Variants in ZNF37A observed in about 807,000 individuals in gnomAD.
The protein encoded by ZNF37A is zinc finger protein 37A.
A neutral mutation model predicts 12.3 loss-of-function variants in ZNF37A; 10 were observed. That is an observed-to-expected ratio of 0.82 (90% CI 0.50 to 1.38). The LOEUF (loss-of-function observed/expected upper bound fraction) is 1.38, where lower values mean the gene tolerates loss of function less well. ZNF37A is among the 40% of genes most tolerant of loss of function. The pLI is 0.00. For missense variants in ZNF37A, 580 were observed against 651.2 expected, an observed-to-expected ratio of 0.89 and a Z score of 1.19; for synonymous variants, 207 against 223.0, an observed-to-expected ratio of 0.93 and a Z score of 0.64.
exon 8 of ZNF37A, chr10:38,149,243 T>A (rs1417187418): frequency 6.6e-6 from 1 of 152,234 alleles, no homozygotes; most frequent in East Asian, 1.9e-4. Context: ...AATAATTATT[T>A]TTGAAAATAT....
rs191349643 is a variant in ZNF37A at position 38,134,055 on chromosome 10, C to T, written c.239-12677C>T. On this transcript the variant is annotated intron_variant, in intron 7 of 7. Coordinates refer to the ZNF37A transcript ENST00000638053. Reference sequence around the variant, plus strand: ...TCATTTGATCTTCAATCACTGATACCCTTTCTTCCACTTGATCGAATTGGC... The same window carrying T: ...TCATTTGATCTTCAATCACTGATACTCTTTCTTCCACTTGATCGAATTGGC... 3.3e-5 allele frequency among the ~76,000 whole-genome samples: 5 copies of T among 152,218 alleles called. No homozygotes were observed. The South Asian group carries it at 6.2e-4, about 19-fold the overall frequency.
At chr10:38,143,452 G>A (rs982966822) in intron 7 of ZNF37A, 3 of 152,208 alleles carry the variant, frequency 2.0e-5, no homozygotes, top group African/African-American at 7.2e-5. Flanking sequence ...GGTTGATTTT[G>A]AAGAGTAAGG....
chr10:38,149,138 ATATTTGCTTCAAT>A (rs2070294208), exon 8 of ZNF37A: 1 of 152,142 alleles, frequency 6.6e-6, no homozygotes, highest in Non-Finnish European at 1.5e-5. Context: ...ACACCAAGCC[ATATTTGCTTCAAT>A]ATTCTAACAC....
chr10:38,133,673 C>T (rs1167629811), intron 7 of ZNF37A, among the ~76,000 whole-genome samples: 1 of 152,158 alleles, frequency 6.6e-6, no homozygotes, highest in Admixed American at 6.6e-5. Flanking sequence ...GCATATACTC[C>T]ATGGTGTATA....
At chr10:38,134,698 G>A (rs1337388944) in intron 7 of ZNF37A, among the ~76,000 whole-genome samples, 3 of 152,190 alleles carry the variant, frequency 2.0e-5, no homozygotes, top group Non-Finnish European at 4.4e-5. Context: ...GTGTCAGTCG[G>A]CCCCTACTGG....
Position 38,118,264 on chromosome 10 carries a change from T to C in ZNF37A, c.1113T>C (p.Thr371=), listed in dbSNP as rs1590913513. ...CCTTCTCATTTAAGTCAGTCCTTACTGTGCATCAGAAAACACACACAGGGG... is the reference window on the plus strand; with the variant it reads ...CCTTCTCATTTAAGTCAGTCCTTACCGTGCATCAGAAAACACACACAGGGG... ...GKTFSFKSVL[T]VHQKTHTGEK... is the part of the protein sequence containing the mutation. Residue 371 remains threonine, a synonymous_variant, in exon 8 of 8, where the codon ACT becomes ACC. Coordinates refer to ENST00000685332, the MANE Select transcript of ZNF37A (RefSeq NM_001324250.3). The C allele has an allele frequency of 5.6e-6, 9 of 1,613,704 alleles. No individual in the cohort carries two copies. The East Asian group carries it at 2.0e-4, about 36-fold the overall frequency.
chr10:38,102,962 C>T (rs1353268105), intron 5 of ZNF37A, among the ~76,000 whole-genome samples: 1 of 152,104 alleles, frequency 6.6e-6, no homozygotes, highest in East Asian at 1.9e-4. Flanking sequence ...TCCCTTGTCT[C>T]TTGCTACTTT....
Position 38,123,551 on chromosome 10 carries a change from A to C in ZNF37A, c.*4714A>C, listed in dbSNP as rs1026457598. ...CTTTAACGCTGAGCATTACCTCTCA[A>C]AGTGAGATTTGGGCAGGGACTAATA... On this transcript the variant is annotated 3_prime_UTR_variant, in exon 8 of 8. Coordinates refer to ENST00000685332, the MANE Select transcript of ZNF37A (RefSeq NM_001324250.3). 5 of 152,104 alleles carry C rather than the reference A, an allele frequency of 3.3e-5. No individual in the cohort carries two copies. Among genetic ancestry groups the C allele is most frequent in the African/African-American group, 1.2e-4 (5 of 41,412 alleles). 9.4% of individuals were successfully genotyped at this position (152,104 alleles called of 1,614,324 possible).
intron 5 of ZNF37A, among the ~76,000 whole-genome samples, chr10:38,113,805 C>T (rs1464283722): frequency 6.6e-6 from 1 of 152,182 alleles, no homozygotes; most frequent in Non-Finnish European, 1.5e-5. Flanking sequence ...TACAGAGATT[C>T]AGGTGTGTAT....
At chr10:38,115,376 T>C in intron 7 of ZNF37A, 86 bp downstream of exon 7, 6 of 1,509,718 alleles carry the variant, frequency 4.0e-6, no homozygotes, top group Non-Finnish European at 4.4e-6. Context: ...AAATGTTCTT[T>C]AGGAATCATG....
chr10:38,132,124 G>T (rs937587379), intron 7 of ZNF37A, among the ~76,000 whole-genome samples: 1 of 151,996 alleles, frequency 6.6e-6, no homozygotes, highest in Non-Finnish European at 1.5e-5. Context: ...CTATCTAATA[G>T]CTCTGGCTAG....
chr10:38,125,686 T>A (rs1212404514), downstream of ZNF37A: 1 of 152,200 alleles, frequency 6.6e-6, no homozygotes, highest in Non-Finnish European at 1.5e-5. Flanking sequence ...TGAAACCAGC[T>A]CAATTTTCCT....
chr10:38,114,457 C>T (rs1423908105), intron 5 of ZNF37A, among the ~76,000 whole-genome samples: 4 of 152,128 alleles, frequency 2.6e-5, no homozygotes, highest in African/African-American at 9.7e-5. Flanking sequence ...ATGTTCCTCT[C>T]TTGTAAGGAA....
In ZNF37A at chr10:38,144,453, G is replaced by A. The variant is rs534097618; in HGVS notation, c.239-2279G>A. 3.5e-3 allele frequency: 530 copies of A among 152,222 alleles called. 3 individuals carry two copies. The highest frequency in any genetic ancestry group is 0.012 in the African/African-American group (505 of 41,538). 9.4% of individuals were successfully genotyped at this position (152,222 alleles called of 1,614,324 possible). On this transcript the variant is annotated intron_variant, in intron 7 of 7. Coordinates refer to the ZNF37A transcript ENST00000638053. ...CATGGGTACATTAATTTCTCTCACAGTCAAATACAATTATAAAATATATAT... is the reference window on the plus strand; with the variant it reads ...CATGGGTACATTAATTTCTCTCACAATCAAATACAATTATAAAATATATAT...
chr10:38,134,988 G>A (rs553196812), intron 7 of ZNF37A, among the ~76,000 whole-genome samples: 3 of 152,040 alleles, frequency 2.0e-5, no homozygotes, highest in Non-Finnish European at 2.9e-5. Flanking sequence ...TTACTTATAC[G>A]TATATTCTTT....
intron 6 of ZNF37A, 30 bp from the exon 7 acceptor site, chr10:38,115,165 T>C (rs372935301): frequency 1.1e-5 from 17 of 1,602,478 alleles, no homozygotes; most frequent in Middle Eastern, 3.4e-4. Flanking sequence ...CCACCCAGTT[T>C]GTCCCAAGTA....
intron 5 of ZNF37A, among the ~76,000 whole-genome samples, chr10:38,111,200 G>A (rs1369469402): frequency 6.6e-6 from 1 of 152,074 alleles, no homozygotes; most frequent in African/African-American, 2.4e-5. Context: ...GGATGAAGCT[G>A]GAAACCATCA....
intron 5 of ZNF37A, among the ~76,000 whole-genome samples, chr10:38,111,392 T>G (rs2068639174): frequency 6.6e-6 from 1 of 151,966 alleles, no homozygotes; most frequent in Admixed American, 6.6e-5. Context: ...GATGATGGGT[T>G]GATGGGTGCA....
chr10:38,097,583 CAAAAAAA>C (rs71007695), intron 5 of ZNF37A, among the ~76,000 whole-genome samples: 2,197 of 61,760 alleles, frequency 0.036, 71 homozygotes, highest in African/African-American at 0.077. Flanking sequence ...GACTCTGTCT[CAAAAAAA>C]AAAAAAAAAA....
Sources: allele counts gnomAD v4.1 joint callset (sites outside exome capture counted in the v4.1 genomes callset), GRCh38; gene constraint gnomAD v4.1.1; transcripts MANE v1.5; gene names NCBI Gene and HGNC (gene_info 2026-07-23, HGNC 2026-07-21).